TMTC2: variants seen among roughly 807,000 people sequenced by gnomAD.
The protein encoded by TMTC2 is protein O-mannosyl-transferase TMTC2.
TMTC2 carries 43 observed loss-of-function variants against 82.4 expected under a neutral mutation model. That is an observed-to-expected ratio of 0.52 (90% CI 0.41 to 0.67). The LOEUF (loss-of-function observed/expected upper bound fraction) is 0.67. TMTC2 is among the 30% of genes least tolerant of loss of function. TMTC2 has a pLI of 0.00. For missense variants in TMTC2, 919 were observed against 1,012.4 expected (o/e 0.91, Z 1.25); for synonymous variants, 408 against 381.9 (o/e 1.07, Z -0.80).
chr12:83,036,813 T>A, intron 9 of TMTC2, among the ~76,000 whole-genome samples: 1 of 152,192 alleles, frequency 6.6e-6, no homozygotes, highest in Non-Finnish European at 1.5e-5. Flanking sequence ...GCATTGCCTT[T>A]GCTTCTGGTG....
At chr12:83,046,914 A>G (rs2137450215) in intron 9 of TMTC2, among the ~76,000 whole-genome samples, 1 of 152,348 alleles carries the variant, frequency 6.6e-6, no homozygotes, top group Non-Finnish European at 1.5e-5. Flanking sequence ...TAGGTGCTCT[A>G]ATTTAGTTGG....
chr12:82,866,842 A>C (rs1871891708), intron 2 of TMTC2, among the ~76,000 whole-genome samples: 2 of 152,182 alleles, frequency 1.3e-5, no homozygotes, highest in African/African-American at 4.8e-5. Context: ...AGTACATTAG[A>C]GATTCCTTAA....
chr12:82,968,264 T>C (rs545360832), intron 7 of TMTC2, among the ~76,000 whole-genome samples: 1 of 152,300 alleles, frequency 6.6e-6, no homozygotes, highest in South Asian at 2.1e-4. Flanking sequence ...AGGTAAAATT[T>C]AGCTTCATTA....
chr12:83,007,719 T>C (rs1880267431), intron 8 of TMTC2, among the ~76,000 whole-genome samples: 1 of 152,232 alleles, frequency 6.6e-6, no homozygotes, highest in South Asian at 2.1e-4. Flanking sequence ...ATTCTTTCTA[T>C]AACCCTCTTC....
intron 2 of TMTC2, among the ~76,000 whole-genome samples, chr12:82,861,492 A>G (rs1381181882): frequency 6.6e-6 from 1 of 152,244 alleles, no homozygotes; most frequent in Admixed American, 6.5e-5. Context: ...ATGTCATCAG[A>G]CTTTTGCAGT....
intron 7 of TMTC2, among the ~76,000 whole-genome samples, chr12:82,973,888 A>AC (rs1201652363): frequency 6.6e-6 from 1 of 152,178 alleles, no homozygotes; most frequent in Non-Finnish European, 1.5e-5. Context: ...TGCTATTAAA[A>AC]CCACAAGAGC....
chr12:82,966,309 G>A (rs902064713), intron 6 of TMTC2, among the ~76,000 whole-genome samples: 1 of 152,066 alleles, frequency 6.6e-6, no homozygotes, highest in Non-Finnish European at 1.5e-5. Context: ...GTTAGGAGGT[G>A]ACCCAGACTA....
intron 11 of TMTC2, among the ~76,000 whole-genome samples, chr12:83,107,199 T>A (rs10778940): frequency 0.56 from 85,527 of 152,172 alleles, 24,798 homozygotes; most frequent in South Asian, 0.65. Flanking sequence ...ATAGAATATT[T>A]GTAAATGTAA....
intron 1 of TMTC2, among the ~76,000 whole-genome samples, chr12:82,741,336 A>G (rs954502739): frequency 6.6e-6 from 1 of 152,184 alleles, no homozygotes; most frequent in Non-Finnish European, 1.5e-5. Context: ...TTTTAGACGG[A>G]ATCTTGCTCT....
In TMTC2 at chr12:82,984,400, A is replaced by C. The variant is rs1204730412; in HGVS notation, c.1949-1525A>C. On this transcript the variant is annotated intron_variant, in intron 7 of 11. Transcript: ENST00000321196. ...CAAAGCAAAGGGCATTCAAAAGATCAAGAGACTCAAACCAATTCACTTCAT... is the reference window on the plus strand; with the variant it reads ...CAAAGCAAAGGGCATTCAAAAGATCCAGAGACTCAAACCAATTCACTTCAT... 7.2e-5 allele frequency among the ~76,000 whole-genome samples: 11 copies of C among 152,310 alleles called. No homozygotes were observed. The East Asian group carries it at 2.1e-3, about 29-fold the overall frequency.
chr12:82,829,468 AAG>A (rs1869630571), intron 1 of TMTC2, among the ~76,000 whole-genome samples: 1 of 152,166 alleles, frequency 6.6e-6, no homozygotes, highest in Non-Finnish European at 1.5e-5. Flanking sequence ...TTTCATTTAA[AAG>A]AGAATTTACA....
chr12:83,111,073 G>C (rs1367092437), intron 11 of TMTC2, among the ~76,000 whole-genome samples: 1 of 152,088 alleles, frequency 6.6e-6, no homozygotes, highest in African/African-American at 2.4e-5. Flanking sequence ...TGCTATCCTG[G>C]TCAAAAGACA....
intron 1 of TMTC2, among the ~76,000 whole-genome samples, chr12:82,733,165 A>G (rs1056871294): frequency 6.6e-6 from 1 of 152,198 alleles, no homozygotes; most frequent in Non-Finnish European, 1.5e-5. Flanking sequence ...AAATGATGCA[A>G]TTAAGGAAAG....
chr12:82,949,089 C>T (rs762350748), intron 4 of TMTC2, among the ~76,000 whole-genome samples: 3 of 152,208 alleles, frequency 2.0e-5, no homozygotes, highest in African/African-American at 4.8e-5. Flanking sequence ...TTGAGTTTTA[C>T]TGAGCAAGAA....
intron 2 of TMTC2, among the ~76,000 whole-genome samples, chr12:82,882,495 C>T (rs1872884321): frequency 6.6e-6 from 1 of 151,976 alleles, no homozygotes; most frequent in African/African-American, 2.4e-5. Context: ...TTTATAATGG[C>T]CTTTCGCTTA....
At chr12:82,695,112 G>A (rs1044087492) in intron 1 of TMTC2, among the ~76,000 whole-genome samples, 10 of 152,130 alleles carry the variant, frequency 6.6e-5, no homozygotes, top group Non-Finnish European at 1.5e-4. Flanking sequence ...GTTAAATGAT[G>A]GGACTGAAGT....
intron 8 of TMTC2, among the ~76,000 whole-genome samples, chr12:83,027,605 A>T (rs567653089): frequency 1.2e-3 from 188 of 152,214 alleles, no homozygotes; most frequent in Middle Eastern, 3.4e-3. Context: ...GGCTTACTGT[A>T]CTCTCCTGAG....
intron 2 of TMTC2, among the ~76,000 whole-genome samples, chr12:82,882,414 T>G (rs903119543): frequency 6.6e-6 from 1 of 152,188 alleles, no homozygotes; most frequent in Non-Finnish European, 1.5e-5. Flanking sequence ...AAGAAAGATT[T>G]GGGATTAGAG....
chr12:83,132,336 C>T lies in TMTC2; in HGVS notation c.2458C>T (p.Arg820Cys), dbSNP rs1205193658. The T allele has an allele frequency of 1.2e-5, 19 of 1,613,926 alleles. No individual in the cohort carries two copies. The highest frequency in any genetic ancestry group is 3.3e-4 in the Middle Eastern group (2 of 6,082). Residue 820 changes from arginine (R) to cysteine (C), a missense_variant, in exon 12 of 12, where the codon CGC becomes TGC. Physicochemically the swap from Arg to Cys is radical, Grantham distance 180. Coordinates refer to ENST00000321196, the MANE Select transcript of TMTC2 (RefSeq NM_152588.3). Reference sequence around the variant, plus strand: ...CGATGTCATCACACAGTCCAATCTCCGCAAACTGTGGAACATCATGGAAAA... The same window carrying T: ...CGATGTCATCACACAGTCCAATCTCTGCAAACTGTGGAACATCATGGAAAA... ...PDDVITQSNL[R>C]KLWNIMEKQG...
Sources: allele counts gnomAD v4.1 joint callset (sites outside exome capture counted in the v4.1 genomes callset), GRCh38; gene constraint gnomAD v4.1.1; transcripts MANE v1.5; gene names NCBI Gene and HGNC (gene_info 2026-07-23, HGNC 2026-07-21).